ANKEF1: variants seen among roughly 807,000 people sequenced by gnomAD.
ANKEF1 encodes ankyrin repeat and EF-hand domain containing 1.
ANKEF1 carries 43 observed loss-of-function variants against 65.1 expected under a neutral mutation model. The ratio of observed to expected loss-of-function variants is 0.66; its 90% CI spans 0.52 to 0.85. The LOEUF (loss-of-function observed/expected upper bound fraction) is 0.85, where lower values mean the gene tolerates loss of function less well. Among genes scored for constraint, ANKEF1 ranks in the 40% least tolerant of loss-of-function variants. The probability of loss-of-function intolerance (pLI) is 0.00; values close to 1 mark genes in which losing one functional copy is unlikely to be tolerated. For synonymous variants in ANKEF1, 316 were observed against 341.5 expected (o/e 0.93, Z 0.82); for missense variants, 934 against 952.9 (o/e 0.98, Z 0.26).
intron 4 of ANKEF1, 54 bp from the exon 5 acceptor site, chr20:10,044,340 T>A (rs1984377574): frequency 6.3e-7 from 1 of 1,580,372 alleles, no homozygotes; most frequent in Non-Finnish European, 8.6e-7. Context: ...CTGATTCTGC[T>A]ACTTAATATG....
In ANKEF1 at chr20:10,051,657, T is replaced by G; in HGVS notation, c.1644-6T>G. On this transcript the variant is annotated splice_polypyrimidine_tract_variant and splice_region_variant and intron_variant, in intron 7 of 10. Coordinates refer to ENST00000378392, the MANE Select transcript of ANKEF1 (RefSeq NM_022096.6). ...TTTTAGTTTGTTCATCTATCTTATT[T>G]TACAGAGCTAACGTTAATGCAACAG... The G allele has an allele frequency of 6.2e-7, 1 of 1,604,766 alleles. No homozygotes were observed. The highest frequency in any genetic ancestry group is 8.5e-7 in the Non-Finnish European group (1 of 1,173,156).
At chr20:10,044,618 C>A in intron 5 of ANKEF1, 75 bp downstream of exon 5, 1 of 1,504,438 alleles carries the variant, frequency 6.6e-7, no homozygotes, top group Admixed American at 1.8e-5. Flanking sequence ...TTTTATATGT[C>A]ATATAGAGTA....
chr20:10,043,089 T>C (rs1008000160), intron 3 of ANKEF1, 33 bp from the exon 4 acceptor site: 2 of 1,598,956 alleles, frequency 1.3e-6, no homozygotes, highest in Admixed American at 3.4e-5. Flanking sequence ...GTATAGATGT[T>C]AAATACTCTC....
chr20:10,044,468 A>G lies in ANKEF1; in HGVS notation c.621A>G (p.Arg207=), dbSNP rs1984390139. 1.2e-6 allele frequency: 2 copies of G among 1,614,128 alleles called. No individual in the cohort carries two copies. The highest frequency in any genetic ancestry group is 1.7e-6 in the Non-Finnish European group (2 of 1,180,006). ...VVEIVRGILE[R]GGEVNAFDND... ...AAATAGTTCGAGGCATATTGGAAAG[A>G]GGAGGTGAAGTGAATGCATTTGACA... Residue 207 remains arginine (R), a synonymous_variant, in exon 5 of 11, where the codon AGA becomes AGG. Coordinates refer to ENST00000378392, the MANE Select transcript of ANKEF1 (RefSeq NM_022096.6).
intron 3 of ANKEF1, among the ~76,000 whole-genome samples, chr20:10,038,951 A>G (rs998533652): frequency 6.6e-6 from 1 of 152,226 alleles, no homozygotes; most frequent in African/African-American, 2.4e-5. Context: ...ATTATAAATT[A>G]TAAACTCTTC....
intron 7 of ANKEF1, 66 bp downstream of exon 7, chr20:10,050,278 A>G (rs1048389260): frequency 7.4e-7 from 1 of 1,344,198 alleles, no homozygotes; most frequent in Non-Finnish European, 1.0e-6. Flanking sequence ...AAGTGAAAAG[A>G]TGACCGAATT....
chr20:10,036,423 T>C (rs1365441823), intron 2 of ANKEF1, among the ~76,000 whole-genome samples: 3 of 151,810 alleles, frequency 2.0e-5, no homozygotes, highest in Non-Finnish European at 4.4e-5. Flanking sequence ...TGGCCGATAA[T>C]AATAAAACAA....
Position 10,050,230 on chromosome 20 carries a change from G to A in ANKEF1, c.1643+18G>A, listed in dbSNP as rs1434360650. The A allele has an allele frequency of 3.2e-6, 5 of 1,561,880 alleles. No homozygotes were observed. In the African/African-American group the frequency reaches 4.1e-5, roughly 13 times the overall value. On this transcript the variant is annotated intron_variant, in intron 7 of 10. Coordinates refer to ENST00000378392, the MANE Select transcript of ANKEF1 (RefSeq NM_022096.6). ...GAAAAAGGGTACGCGTCTCCGTCGG[G>A]TGTGGCCTAAATTTTCACGAGTCTT...
At chr20:10,051,027 TTTC>T (rs1402766054) in intron 7 of ANKEF1, among the ~76,000 whole-genome samples, 1 of 152,142 alleles carries the variant, frequency 6.6e-6, no homozygotes, top group Non-Finnish European at 1.5e-5. Flanking sequence ...CCTGGGTGAG[TTTC>T]TTAATATTTT....
chr20:10,050,164 C>T lies in ANKEF1; in HGVS notation c.1595C>T (p.Ala532Val). ...DNYYKTPLMT[A>V]CASGNIDVVK... ...TATTACAAAACTCCGCTAATGACGG[C>T]GTGTGCAAGTGGAAACATAGATGTG... Residue 532 changes from alanine (A) to valine (V), a missense_variant, in exon 7 of 11, where the codon GCG (alanine) becomes GTG (valine). By Grantham distance (64) the Ala-to-Val change is moderately conservative (BLOSUM62 0). Coordinates refer to ENST00000378392, the MANE Select transcript of ANKEF1 (RefSeq NM_022096.6). 3 of 1,614,006 alleles carry T rather than the reference C, an allele frequency of 1.9e-6. No homozygotes were observed. Among genetic ancestry groups the T allele is most frequent in the Middle Eastern group, 1.7e-4 (1 of 6,060 alleles).
chr20:10,054,348 CA>C, intron 9 of ANKEF1, 113 bp from the exon 10 acceptor site: 1 of 766,000 alleles, frequency 1.3e-6, no homozygotes, highest in South Asian at 2.5e-5. Context: ...ATAACTTGTA[CA>C]GTAGCATTTT....
At chr20:10,044,616 G>A in intron 5 of ANKEF1, 73 bp downstream of exon 5, 1 of 1,504,732 alleles carries the variant, frequency 6.6e-7, no homozygotes. Flanking sequence ...TTTTTTATAT[G>A]TCATATAGAG....
Position 10,043,194 on chromosome 20 carries a change from C to T in ANKEF1, c.419C>T (p.Ala140Val). 6.2e-7 allele frequency: 1 copy of T among 1,614,116 alleles called. No individual in the cohort carries two copies. Among genetic ancestry groups the T allele is most frequent in the Non-Finnish European group, 8.5e-7 (1 of 1,180,010 alleles). Residue 140 changes from alanine to valine, a missense_variant, in exon 4 of 11, where the codon GCA becomes GTA. Physicochemically the swap from Ala to Val is moderately conservative, Grantham distance 64. Coordinates refer to ENST00000378392, the MANE Select transcript of ANKEF1 (RefSeq NM_022096.6). Reference protein sequence around the residue: ...RCALIALEHGADVNNSTYEGK... With the variant: ...RCALIALEHGVDVNNSTYEGK... Reference sequence around the variant, plus strand: ...GCTCTGATCGCCCTTGAACATGGTGCAGATGTCAACAATTCTACCTATGAA... The same window carrying T: ...GCTCTGATCGCCCTTGAACATGGTGTAGATGTCAACAATTCTACCTATGAA...
chr20:10,054,729 C>G (rs1419417648), intron 10 of ANKEF1, 130 bp downstream of exon 10: 2 of 961,760 alleles, frequency 2.1e-6, no homozygotes, highest in African/African-American at 1.7e-5. Context: ...TGTGAATGTT[C>G]TTTTGCCAGG....
chr20:10,054,511 A>T lies in ANKEF1; in HGVS notation c.2084A>T (p.Lys695Ile). The T allele has an allele frequency of 6.2e-7, 1 of 1,607,204 alleles. No homozygotes were observed. Among genetic ancestry groups the T allele is most frequent in the Non-Finnish European group, 8.5e-7 (1 of 1,177,198 alleles). Residue 695 changes from lysine to isoleucine, a missense_variant, in exon 10 of 11, where the codon AAA becomes ATA. Transcript: ENST00000378392. ...GTACCAACCACATCAGAGGGAAAGA[A>T]AGTACAGAAGGGTAATGTGGTTCAT... The part of the protein sequence containing the change: ...YGVPTTSEGK[K>I]VQKGNVVHLN...
In ANKEF1 at chr20:10,037,240, T is replaced by C. The variant is rs945114486; in HGVS notation, c.-44-1018T>C. Among the ~76,000 whole-genome samples, 5 of 152,188 alleles carry C rather than the reference T, an allele frequency of 3.3e-5. No homozygotes were observed. The East Asian group carries it at 9.6e-4, about 29-fold the overall frequency. ...TACCCACAAAGTGGTAGATGGCTTC[T>C]GGCACCATGGAATCCATGTTGCAAC... On this transcript the variant is annotated intron_variant, in intron 2 of 10. Coordinates refer to ENST00000378392, the MANE Select transcript of ANKEF1 (RefSeq NM_022096.6).
chr20:10,047,132 T>C (rs529785400), intron 6 of ANKEF1, among the ~76,000 whole-genome samples: 10 of 152,300 alleles, frequency 6.6e-5, no homozygotes, highest in African/African-American at 2.4e-4. Flanking sequence ...TTGGGACAAA[T>C]ATCACACATA....
intron 4 of ANKEF1, 100 bp downstream of exon 4, chr20:10,043,421 A>G (rs1984316477): frequency 2.7e-6 from 3 of 1,121,408 alleles, no homozygotes; most frequent in Non-Finnish European, 3.9e-6. Flanking sequence ...TAGCTGATAG[A>G]CTGTTCATTT....
At chr20:10,054,006 A>G (rs1280089493) in intron 9 of ANKEF1, among the ~76,000 whole-genome samples, 2 of 152,178 alleles carry the variant, frequency 1.3e-5, no homozygotes, top group African/African-American at 4.8e-5. Flanking sequence ...CTTGGCTGAC[A>G]CAGGACAAGA....
Sources: allele counts gnomAD v4.1 joint callset (sites outside exome capture counted in the v4.1 genomes callset), GRCh38; gene constraint gnomAD v4.1.1; transcripts MANE v1.5; gene names NCBI Gene and HGNC (gene_info 2026-07-23, HGNC 2026-07-21).